TRIM14: variants seen among roughly 807,000 people sequenced by gnomAD.
TRIM14 encodes the protein tripartite motif-containing protein 14.
Under a neutral mutation model 44.5 loss-of-function variants are expected in TRIM14, and 28 were observed. That is an observed-to-expected ratio of 0.63 (90% CI 0.47 to 0.86). The LOEUF (loss-of-function observed/expected upper bound fraction) is 0.86. Among genes scored for constraint, TRIM14 ranks in the 40% least tolerant of loss-of-function variants. The pLI is 0.00. For synonymous variants in TRIM14, 299 were observed against 269.2 expected (o/e 1.11, Z -1.08); for missense variants, 607 against 611.1 (o/e 0.99, Z 0.07).
At chr9:98,038,504 AAGAC>A in the TRIM14 span, among the ~76,000 whole-genome samples, 2 of 152,222 alleles carry the variant, frequency 1.3e-5, no homozygotes, top group East Asian at 3.8e-4. Context: ...TTACTATAGT[AAGAC>A]AAAGTACTAC....
intron 2 of TRIM14, among the ~76,000 whole-genome samples, chr9:98,107,397 G>A (rs1357309334): frequency 6.6e-6 from 1 of 152,128 alleles, no homozygotes; most frequent in Non-Finnish European, 1.5e-5. Context: ...CCTACAATAG[G>A]TAAATGGTTT....
chr9:98,081,860 G>T (rs1251869776), downstream of TRIM14: 1 of 152,126 alleles, frequency 6.6e-6, no homozygotes, highest in Admixed American at 6.6e-5. Context: ...TCTATACCAG[G>T]AAATTAAAAT....
chr9:98,057,007 C>G, the TRIM14 span: 1 of 1,475,674 alleles, frequency 6.8e-7, no homozygotes, highest in Non-Finnish European at 9.0e-7. Flanking sequence ...CCGCGGGGAG[C>G]CAGGGCCACA....
chr9:98,117,756 A>G (rs1337194152), intron 1 of TRIM14, among the ~76,000 whole-genome samples: 1 of 152,200 alleles, frequency 6.6e-6, no homozygotes, highest in Non-Finnish European at 1.5e-5. Flanking sequence ...GGCTTGGATA[A>G]ACTCTGTACT....
chr9:98,116,329 G>C (rs1157084881), intron 1 of TRIM14, among the ~76,000 whole-genome samples: 1 of 150,258 alleles, frequency 6.7e-6, no homozygotes, highest in African/African-American at 2.4e-5. Flanking sequence ...AAAATCCTTG[G>C]AAAGACTGGA....
chr9:98,114,964 T>G (rs1826994952), intron 1 of TRIM14, among the ~76,000 whole-genome samples: 1 of 152,236 alleles, frequency 6.6e-6, no homozygotes, highest in African/African-American at 2.4e-5. Flanking sequence ...GAAAATTTTT[T>G]CTTTTGTCAC....
At chr9:98,050,323 T>C in the TRIM14 span, among the ~76,000 whole-genome samples, 2 of 152,346 alleles carry the variant, frequency 1.3e-5, no homozygotes, top group Admixed American at 1.3e-4. Flanking sequence ...ACCAAAACTT[T>C]AGTCATTCAT....
intron 1 of TRIM14, among the ~76,000 whole-genome samples, chr9:98,113,514 G>A (rs1564191118): frequency 6.6e-6 from 1 of 151,990 alleles, no homozygotes; most frequent in Non-Finnish European, 1.5e-5. Flanking sequence ...ACCACCACAC[G>A]CAGCTAATTT....
At chr9:98,075,525 C>G (rs918280661) in intron 6 of TRIM14, 1 of 149,920 alleles carries the variant, frequency 6.7e-6, no homozygotes, top group Non-Finnish European at 1.5e-5. Context: ...GTTGGTCCGT[C>G]GGTCCGTCGG....
chr9:98,083,587 G>A (rs1178296216), downstream of TRIM14, among the ~76,000 whole-genome samples: 1 of 152,226 alleles, frequency 6.6e-6, no homozygotes, highest in Non-Finnish European at 1.5e-5. Flanking sequence ...CAAAGAGAGG[G>A]AAATGGCATG....
the TRIM14 span, among the ~76,000 whole-genome samples, chr9:98,060,529 G>C: frequency 6.6e-6 from 1 of 152,184 alleles, no homozygotes; most frequent in Non-Finnish European, 1.5e-5. Flanking sequence ...AATTAGCCGG[G>C]TGTCGTGGTG....
intron 6 of TRIM14, chr9:98,076,873 T>G (rs1426985824): frequency 6.7e-7 from 1 of 1,494,186 alleles, no homozygotes; most frequent in Non-Finnish European, 9.3e-7. Flanking sequence ...AACAACAGTG[T>G]TTTTGGACAA....
At chr9:98,060,967 G>T in the TRIM14 span, 2 of 1,614,008 alleles carry the variant, frequency 1.2e-6, no homozygotes, top group South Asian at 2.2e-5. Flanking sequence ...AGGAGGTTGG[G>T]ATCTTCTTCA....
At chr9:98,073,309 G>T (rs1367890871) in intron 6 of TRIM14, among the ~76,000 whole-genome samples, 1 of 116,372 alleles carries the variant, frequency 8.6e-6, no homozygotes, top group African/African-American at 3.5e-5. Flanking sequence ...TTTTGAGACG[G>T]AGTCTTGCTC....
the TRIM14 span, among the ~76,000 whole-genome samples, chr9:98,039,677 G>A: frequency 6.6e-6 from 1 of 151,972 alleles, no homozygotes; most frequent in Non-Finnish European, 1.5e-5. Flanking sequence ...CGATAAACTG[G>A]CTCAGCTGAT....
chr9:98,100,379 G>GA (rs1209426873), intron 2 of TRIM14, among the ~76,000 whole-genome samples: 1 of 152,120 alleles, frequency 6.6e-6, no homozygotes. Context: ...GAAAATGGGA[G>GA]AAAAAATAGC....
At chr9:98,089,693 A>T (rs1326283360) in intron 5 of TRIM14, among the ~76,000 whole-genome samples, 1 of 152,214 alleles carries the variant, frequency 6.6e-6, no homozygotes, top group Non-Finnish European at 1.5e-5. Context: ...CGGCCACATT[A>T]CAACCTAGTT....
At chr9:98,044,619 G>A in the TRIM14 span, among the ~76,000 whole-genome samples, 15 of 151,994 alleles carry the variant, frequency 9.9e-5, no homozygotes, top group African/African-American at 2.4e-4. Flanking sequence ...TGATCTGCCC[G>A]CCTTGGCTTC....
chr9:98,058,831 A>C, the TRIM14 span, among the ~76,000 whole-genome samples: 1 of 152,168 alleles, frequency 6.6e-6, no homozygotes, highest in Non-Finnish European at 1.5e-5. Flanking sequence ...TGCTAGAGAC[A>C]CTGTGCAACT....
Sources: gnomAD v4.1 joint callset for allele counts (sites outside exome capture counted in the v4.1 genomes callset) on GRCh38, gnomAD v4.1.1 for gene constraint, MANE v1.5 for transcripts, NCBI Gene and HGNC (gene_info 2026-07-23, HGNC 2026-07-21) for gene names.